The following LRFN4 variants were observed in gnomAD, a reference collection of about 807,000 sequenced individuals.
LRFN4 encodes the protein leucine-rich repeat and fibronectin type-III domain-containing protein 4.
LRFN4 carries 10 observed loss-of-function variants against 29.0 expected under a neutral mutation model. The observed-to-expected ratio is 0.35, with a 90% CI of 0.21 to 0.59. The LOEUF is 0.59. LRFN4 is among the 20% of genes least tolerant of loss of function. The pLI, the probability that LRFN4 is intolerant of heterozygous loss-of-function variation, is 0.82. For missense variants in LRFN4, 850 were observed against 907.9 expected (o/e 0.94, Z 0.82); for synonymous variants, 493 against 437.0 (o/e 1.13, Z -1.60).
rs1414333917 is a variant in LRFN4, at chr11:66,858,559, C to A, written c.815C>A (p.Pro272His). The A allele has an allele frequency of 1.3e-6, 2 of 1,533,152 alleles. No homozygotes were observed. The highest frequency in any genetic ancestry group is 3.9e-5 in the Admixed American group (2 of 50,800). 95.0% of individuals were successfully genotyped at this position (1,533,152 alleles called of 1,614,324 possible). A position where few individuals can be genotyped will look rare whatever the true frequency, so the allele number is the denominator to read the frequency against. ...GCCGGCCGCTACTTCTGGGCAGTGC[C>A]CGAGGGCGAGTTCTCCTGTGAGCCG... Reference protein sequence around the residue: ...GLAGRYFWAVPEGEFSCEPPL... With the variant: ...GLAGRYFWAVHEGEFSCEPPL... Residue 272 changes from proline (P) to histidine (H), a missense_variant, in exon 1 of 2, where the codon CCC (proline) becomes CAC (histidine). Transcript: ENST00000309602. The surrounding 1 kb of genome is among the most constrained non-coding windows in gnomAD (Gnocchi z 5.9).
chr11:66,859,757 G>A lies in LRFN4; in HGVS notation c.1470G>A (p.Arg490=). 6.2e-7 allele frequency: 1 copy of A among 1,607,838 alleles called. No individual in the cohort carries two copies. The highest frequency in any genetic ancestry group is 8.5e-7 in the Non-Finnish European group (1 of 1,177,626). ...GGCCCTCTGACCTCACGGCCACCAG[G>A]CTGCTGGGCTGTGCCCATTTCTCCA... The part of the protein sequence containing the change: ...AAGPSDLTAT[R]LLGCAHFSTL... Residue 490 remains arginine (R), a synonymous_variant, in exon 2 of 2, where the codon AGG becomes AGA. Transcript: ENST00000309602.
In LRFN4 at chr11:66,859,784, G is replaced by A. The variant is rs766068762; in HGVS notation, c.1497G>A (p.Thr499=). The A allele has an allele frequency of 9.4e-6, 15 of 1,601,712 alleles. No individual in the cohort carries two copies. Among genetic ancestry groups the A allele is most frequent in the African/African-American group, 8.0e-5 (6 of 74,794 alleles). Residue 499 remains threonine (T), a synonymous_variant, in exon 2 of 2, where the codon ACG becomes ACA. Coordinates refer to ENST00000309602, the MANE Select transcript of LRFN4 (RefSeq NM_024036.5). ...TGCTGGGCTGTGCCCATTTCTCCAC[G>A]CTGCCGGCCTCGCCCCTGTGCCACG... ...TRLLGCAHFS[T]LPASPLCHAL...
Position 66,860,148 on chromosome 11 carries a change from C to T in LRFN4, c.1861C>T (p.Arg621Trp), listed in dbSNP as rs1052068092. The change falls in exon 2 of 2, where the codon CGG becomes TGG. Residue 621 changes from arginine (R) to tryptophan (W), a missense_variant. Physicochemically the swap from Arg to Trp is moderately radical, Grantham distance 101 (BLOSUM62 -3). Around this residue, in one of 2 missense-constraint regions of LRFN4, gnomAD observed 744 missense variants for 753.8 expected, o/e 0.99. Transcript: ENST00000309602. ...TGGGGGGCTGCTCGGGGCAGGGTGC[C>T]GGGGGGTAGGAGGCAGCGCCGAGCG... The part of the protein sequence containing the change: ...VHGGLLGAGC[R>W]GVGGSAERLE... 4.5e-6 allele frequency: 7 copies of T among 1,548,996 alleles called. No individual in the cohort carries two copies. Among genetic ancestry groups the T allele is most frequent in the African/African-American group, 2.7e-5 (2 of 73,136 alleles).
At chr11:66,859,544 GA>G in intron 1 of LRFN4, 92 bp from the exon 2 acceptor site, 1 of 1,567,594 alleles carries the variant, frequency 6.4e-7, no homozygotes, top group Non-Finnish European at 8.6e-7. Context: ...GCCCCAGGGG[GA>G]GGGGTGTTTG....
rs1467905778 is a variant in LRFN4 at position 66,857,752 on chromosome 11, C to T, written c.8C>T (p.Pro3Leu). The part of the protein sequence containing the change: MA[P>L]PLLLLLLASG... ...TCCTACAGGGCGCTCACCATGGCCCCGCCGCTCCTGCTGCTGCTGCTGGCC... is the reference window on the plus strand; with the variant it reads ...TCCTACAGGGCGCTCACCATGGCCCTGCCGCTCCTGCTGCTGCTGCTGGCC... Residue 3 changes from proline to leucine, a missense_variant, in exon 1 of 2, where the codon CCG becomes CTG. Pro to Leu is a moderately conservative substitution (Grantham distance 98, BLOSUM62 -3). Around this residue, in one of 2 missense-constraint regions of LRFN4, gnomAD observed 106 missense variants for 154.2 expected, o/e 0.69. Transcript: ENST00000309602. This position sits in a 1 kb window ranked among gnomAD's most constrained non-coding sequence, Gnocchi z 7.1. The T allele has an allele frequency of 1.3e-6, 2 of 1,592,388 alleles. No homozygotes were observed. Among genetic ancestry groups the T allele is most frequent in the African/African-American group, 1.3e-5 (1 of 74,762 alleles).
In LRFN4 at chr11:66,859,961, C is replaced by A; in HGVS notation, c.1674C>A (p.Ser558=). 6.2e-7 allele frequency: 1 copy of A among 1,601,766 alleles called. No individual in the cohort carries two copies. The highest frequency in any genetic ancestry group is 8.5e-7 in the Non-Finnish European group (1 of 1,174,492). The part of the protein sequence containing the change: ...RLPLKLSHVQ[S]QTNGGPSPTP... Reference sequence around the variant, plus strand: ...CCCTCAAGCTCAGCCACGTCCAGTCCCAGACCAATGGAGGCCCCAGCCCCA... The same window carrying A: ...CCCTCAAGCTCAGCCACGTCCAGTCACAGACCAATGGAGGCCCCAGCCCCA... The change falls in exon 2 of 2, where the codon TCC becomes TCA. Residue 558 remains serine (S), a synonymous_variant. Coordinates refer to ENST00000309602, the MANE Select transcript of LRFN4 (RefSeq NM_024036.5).
In LRFN4 at chr11:66,857,557, C is replaced by T; in HGVS notation, c.-188C>T. 1 of 610,626 alleles carries T rather than the reference C, an allele frequency of 1.6e-6. No individual in the cohort carries two copies. Among genetic ancestry groups the T allele is most frequent in the South Asian group, 2.1e-5 (1 of 46,574 alleles). The allele number at this position is 610,626 out of a possible 1,614,324, so 37.8% of individuals were successfully genotyped here. A position where few individuals can be genotyped will look rare whatever the true frequency, so the allele number is the denominator to read the frequency against. On this transcript the variant is annotated 5_prime_UTR_variant, in exon 1 of 2. Transcript: ENST00000309602. This position sits in a 1 kb window ranked among gnomAD's most constrained non-coding sequence, Gnocchi z 7.1. ...CTGCTTGGGAAATGTGACCTTTGCT[C>T]TGGGGGGCCTGGCCCTGCAGGCCCC... is the stretch of plus-strand genomic sequence containing the variant.
In LRFN4 at chr11:66,858,491, G is replaced by A. The variant is rs539362583; in HGVS notation, c.747G>A (p.Ala249=). ...NCELLWLRRL[A]RPDDLETCAS... ...AGCTGCTGTGGCTGCGGCGGCTGGC[G>A]CGGCCGGACGACCTGGAAACGTGCG... Residue 249 remains alanine, a synonymous_variant, in exon 1 of 2, where the codon GCG becomes GCA. Transcript: ENST00000309602. The surrounding 1 kb of genome is among the most constrained non-coding windows in gnomAD (Gnocchi z 5.9). 1.2e-4 allele frequency: 179 copies of A among 1,538,594 alleles called. No individual in the cohort carries two copies. The East Asian group carries it at 3.7e-3, about 31-fold the overall frequency.
Position 66,860,148 on chromosome 11 carries a change from CG to C in LRFN4, c.1867del (p.Val623Ter), listed in dbSNP as rs1565229485. The C allele has an allele frequency of 2.6e-6, 4 of 1,549,090 alleles. No individual in the cohort carries two copies. Among genetic ancestry groups the C allele is most frequent in the Non-Finnish European group, 8.7e-7 (1 of 1,147,544 alleles). ...VHGGLLGAGC[R>X]GVGGSAERLE... is the part of the protein sequence containing the mutation. ...TGGGGGGCTGCTCGGGGCAGGGTGC[CG>C]GGGGGTAGGAGGCAGCGCCGAGCGG... On this transcript the variant is annotated frameshift_variant, in exon 2 of 2. Coordinates refer to ENST00000309602, the MANE Select transcript of LRFN4 (RefSeq NM_024036.5). LOFTEE classifies it high-confidence loss of function.
Position 66,858,915 on chromosome 11 carries a change from G to T in LRFN4, c.1171G>T (p.Ala391Ser). ...CCGCCCCGGGCCCTCGGACATCGCC[G>T]CCTCCGCTCGCACTGCTGCCGAGGG... ...GGRPGPSDIA[A>S]SARTAAEGEG... Residue 391 changes from alanine (A) to serine (S), a missense_variant, in exon 1 of 2, where the codon GCC (alanine) becomes TCC (serine). Around this residue, in one of 2 missense-constraint regions of LRFN4, gnomAD observed 744 missense variants for 753.8 expected, o/e 0.99. Coordinates refer to ENST00000309602, the MANE Select transcript of LRFN4 (RefSeq NM_024036.5). This position sits in a 1 kb window ranked among gnomAD's most constrained non-coding sequence, Gnocchi z 5.9. 1 of 1,566,512 alleles carries T rather than the reference G, an allele frequency of 6.4e-7. No homozygotes were observed. The highest frequency in any genetic ancestry group is 8.7e-7 in the Non-Finnish European group (1 of 1,154,468).
chr11:66,858,375 G>C lies in LRFN4; in HGVS notation c.631G>C (p.Asp211His). 2 of 1,581,728 alleles carry C rather than the reference G, an allele frequency of 1.3e-6. No homozygotes were observed. Among genetic ancestry groups the C allele is most frequent in the South Asian group, 2.3e-5 (2 of 88,628 alleles). The change falls in exon 1 of 2, where the codon GAC (aspartate) becomes CAC (histidine). Residue 211 changes from aspartate to histidine, a missense_variant. Transcript: ENST00000309602. The surrounding 1 kb of genome is among the most constrained non-coding windows in gnomAD (Gnocchi z 5.9). ...CAACCGCCTGGCCACGCTGGCTCCG[G>C]ACCCGCTTTTCTCTCGTGGGCGTGA... ...TSNRLATLAP[D>H]PLFSRGRDAE...
Sources: allele counts gnomAD v4.1 joint callset, GRCh38; gene constraint gnomAD v4.1.1; regional missense constraint gnomAD v4.1.1; non-coding constraint Gnocchi (gnomAD v3.1); transcripts MANE v1.5; gene names NCBI Gene and HGNC (gene_info 2026-07-23, HGNC 2026-07-21).